TREML2: variants seen among roughly 807,000 people sequenced by gnomAD.
The protein encoded by TREML2 is triggering receptor expressed on myeloid cells like 2, also known as trem-like transcript 2 protein.
Under a neutral mutation model 25.9 loss-of-function variants are expected in TREML2, and 24 were observed. The observed-to-expected ratio is 0.93, with a 90% CI of 0.67 to 1.30. The LOEUF (loss-of-function observed/expected upper bound fraction) is 1.30. Ranked by LOEUF, TREML2 falls within the 50% of genes most tolerant of loss-of-function variation. The pLI is 0.00. For synonymous variants in TREML2, 139 were observed against 155.2 expected (o/e 0.90, Z 0.77); for missense variants, 359 against 395.6 (o/e 0.91, Z 0.78).
chr6:41,199,072 C>T (rs1766230680), intron 1 of TREML2, among the ~76,000 whole-genome samples: 1 of 152,160 alleles, frequency 6.6e-6, no homozygotes, highest in Non-Finnish European at 1.5e-5. Flanking sequence ...CCATGTTAGC[C>T]AGGATGGTCT....
At chr6:41,197,131 C>G (rs1766181336) in intron 2 of TREML2, among the ~76,000 whole-genome samples, 1 of 152,192 alleles carries the variant, frequency 6.6e-6, no homozygotes. Context: ...TGAGCCCATT[C>G]ACATCTCTCT....
In TREML2 at chr6:41,198,338, G is replaced by A. The variant is rs575501572; in HGVS notation, c.147C>T (p.Arg49=). The A allele has an allele frequency of 1.4e-5, 22 of 1,614,138 alleles. No individual in the cohort carries two copies. The highest frequency in any genetic ancestry group is 1.1e-4 in the East Asian group (5 of 44,888). Reference sequence around the variant, plus strand: ...TTTTGCACCAAACCTTGCCCTCCACGCGGTTTTTGTAGCCCTTATAGGAGC... The same window carrying A: ...TTTTGCACCAAACCTTGCCCTCCACACGGTTTTTGTAGCCCTTATAGGAGC... ...VQCSYKGYKN[R]VEGKVWCKIR... The change falls in exon 2 of 5, where the codon CGC becomes CGT. Residue 49 remains arginine (R), a synonymous_variant. Coordinates refer to ENST00000483722, the MANE Select transcript of TREML2 (RefSeq NM_024807.4).
At chr6:41,197,293 C>G (rs535754775) in intron 2 of TREML2, among the ~76,000 whole-genome samples, 1 of 152,286 alleles carries the variant, frequency 6.6e-6, no homozygotes, top group East Asian at 1.9e-4. Flanking sequence ...TCTCTGAGCT[C>G]TCTAGTAGCT....
Position 41,198,416 on chromosome 6 carries a change from G to C in TREML2, c.69C>G (p.Asp23Glu), listed in dbSNP as rs77704965. The C allele has an allele frequency of 0.12, 190,576 of 1,595,472 alleles. 13,039 individuals carry two copies. The highest frequency in any genetic ancestry group is 0.16 in the South Asian group (14,445 of 90,596). Residue 23 changes from aspartate to glutamate, a missense_variant, in exon 2 of 5, where the codon GAC becomes GAG. Coordinates refer to ENST00000483722, the MANE Select transcript of TREML2 (RefSeq NM_024807.4). ...GGAGCCTCACTTTTGTGTATACACT[G>C]TCAGCAGAGGGGCCTGTGGAGACAA... ...PQGCVSGPSADSVYTKVRLLE... is the reference protein window; with the variant it reads ...PQGCVSGPSAESVYTKVRLLE...
chr6:41,191,213 G>GTA lies in TREML2; in HGVS notation c.*1213_*1214insTA, dbSNP rs1766054974. ...TGTGTGTGTGTGTGTGTGTGTGTGT[G>GTA]TGTGTGTGTAGGGGAATCCAGGCTG... On this transcript the variant is annotated 3_prime_UTR_variant, in exon 5 of 5. Transcript: ENST00000483722. 1 of 158,812 alleles carries GTA rather than the reference G, an allele frequency of 6.3e-6. No individual in the cohort carries two copies. Among genetic ancestry groups the GTA allele is most frequent in the Non-Finnish European group, 1.4e-5 (1 of 74,002 alleles). The allele number at this position is 158,812 out of a possible 1,614,324, so 9.8% of individuals were successfully genotyped here. A position where few individuals can be genotyped will look rare whatever the true frequency, so the allele number is the denominator to read the frequency against.
At position 41,198,581 on chromosome 6, in the gene TREML2, G is replaced by C; in HGVS notation, c.56-152C>G. On this transcript the variant is annotated intron_variant, in intron 1 of 4. Coordinates refer to ENST00000483722, the MANE Select transcript of TREML2 (RefSeq NM_024807.4). ...GGGGAAATACAGCCCCGCCTTCAGG[G>C]AGCTTGCCCCAATCTGAAGGGAGGT... The C allele has an allele frequency of 5.9e-6, 5 of 854,032 alleles. No individual in the cohort carries two copies. In the South Asian group the frequency reaches 9.0e-5, roughly 15 times the overall value. 52.9% of individuals were successfully genotyped at this position (854,032 alleles called of 1,614,324 possible). A position where few individuals can be genotyped will look rare whatever the true frequency, so the allele number is the denominator to read the frequency against.
chr6:41,198,409 A>T lies in TREML2; in HGVS notation c.76T>A (p.Tyr26Asn), dbSNP rs144159694. 2.8e-5 allele frequency: 45 copies of T among 1,612,414 alleles called. No homozygotes were observed. In the Admixed American group the frequency reaches 4.8e-4, roughly 17 times the overall value. ...CCTTCAAGGAGCCTCACTTTTGTGT[A>T]TACACTGTCAGCAGAGGGGCCTGTG... The part of the protein sequence containing the change: ...CVSGPSADSV[Y>N]TKVRLLEGET... Residue 26 changes from tyrosine to asparagine, a missense_variant, in exon 2 of 5, where the codon TAC becomes AAC. Transcript: ENST00000483722.
Position 41,192,425 on chromosome 6 carries a change from C to G in TREML2, c.*2G>C. 1 of 1,613,592 alleles carries G rather than the reference C, an allele frequency of 6.2e-7. No homozygotes were observed. The highest frequency in any genetic ancestry group is 8.5e-7 in the Non-Finnish European group (1 of 1,179,692). On this transcript the variant is annotated 3_prime_UTR_variant, in exon 5 of 5. Transcript: ENST00000483722. ...AGCTCCCCACCCCATGCTTAAGTGG[C>G]CTCAGATCAAGTAGACTTCCACATA... is the stretch of plus-strand genomic sequence containing the variant.
In TREML2 at chr6:41,192,457, T is replaced by C. The variant is rs1766081932; in HGVS notation, c.936A>G (p.Pro312=). ...TCAAGTAGACTTCCACATAGGGCTC[T>C]GGTCTTCCAGGTGGGTCACGTGTAG... The part of the protein sequence containing the change: ...DPSTRDPPGR[P]EPYVEVYLI The change falls in exon 5 of 5, where the codon CCA becomes CCG. Residue 312 remains proline, a synonymous_variant. Coordinates refer to ENST00000483722, the MANE Select transcript of TREML2 (RefSeq NM_024807.4). 1.2e-6 allele frequency: 2 copies of C among 1,613,928 alleles called. No individual in the cohort carries two copies.
At position 41,198,139 on chromosome 6, in the gene TREML2, A is replaced by G. The variant is rs140974034; in HGVS notation, c.346T>C (p.Leu116=). Residue 116 remains leucine (L), a synonymous_variant, in exon 2 of 5, where the codon TTG becomes CTG. Transcript: ENST00000483722. ...MRNTSGILYP[L]MGFQLDVSPA... is the part of the protein sequence containing the mutation. ...GACACATCCAGCTGGAAGCCCATCAAGGGGTACAGGATCCCAGAGGTGTTG... is the reference window on the plus strand; with the variant it reads ...GACACATCCAGCTGGAAGCCCATCAGGGGGTACAGGATCCCAGAGGTGTTG... 1,491 of 1,604,336 alleles carry G rather than the reference A, an allele frequency of 9.3e-4. No homozygotes were observed. Among genetic ancestry groups the G allele is most frequent in the Middle Eastern group, 1.7e-3 (10 of 5,802 alleles).
rs1042768968 is a variant in TREML2 at position 41,201,018 on chromosome 6, C to T, written c.-10G>A. ...GGAAGGCTGGGGCCATGGTTCCATC[C>T]AGCTGGGCAGTGTCAGGCCTGGAGA... On this transcript the variant is annotated 5_prime_UTR_variant, in exon 1 of 5. Transcript: ENST00000483722. The T allele has an allele frequency of 8.1e-6, 13 of 1,610,446 alleles. No homozygotes were observed. The African/African-American group carries it at 1.1e-4, about 13-fold the overall frequency.
At position 41,200,914 on chromosome 6, in the gene TREML2, C is replaced by T. The variant is rs952712288; in HGVS notation, c.55+40G>A. ...AAGGCCCTGAGCTCCTGCCTCTGTA[C>T]CCACTCCCTCCTCCACAAGTCAGCC... is the stretch of plus-strand genomic sequence containing the variant. On this transcript the variant is annotated intron_variant, in intron 1 of 4. Coordinates refer to ENST00000483722, the MANE Select transcript of TREML2 (RefSeq NM_024807.4). 3 of 1,494,810 alleles carry T rather than the reference C, an allele frequency of 2.0e-6. No individual in the cohort carries two copies. In the African/African-American group the frequency reaches 4.2e-5, roughly 21 times the overall value. 92.6% of individuals were successfully genotyped at this position (1,494,810 alleles called of 1,614,324 possible).
intron 3 of TREML2, among the ~76,000 whole-genome samples, chr6:41,193,638 C>T (rs1242447830): frequency 2.6e-5 from 4 of 151,798 alleles, no homozygotes. Flanking sequence ...GTCAGTTTCT[C>T]TAGAGGAATC....
chr6:41,198,299 C>G lies in TREML2; in HGVS notation c.186G>C (p.Lys62Asn), dbSNP rs1766209945. The change falls in exon 2 of 5, where the codon AAG (lysine) becomes AAC (asparagine). Residue 62 changes from lysine to asparagine, a missense_variant. By Grantham distance (94) the Lys-to-Asn change is moderately conservative. Coordinates refer to ENST00000483722, the MANE Select transcript of TREML2 (RefSeq NM_024807.4). ...AGACTCGGGCAAAGCCAGGCTCACA[C>G]TTCTTCTTCCTGATTTTGCACCAAA... ...GKVWCKIRKK[K>N]CEPGFARVWV... 1.9e-6 allele frequency: 3 copies of G among 1,612,686 alleles called. No individual in the cohort carries two copies. The highest frequency in any genetic ancestry group is 2.2e-5 in the East Asian group (1 of 44,880).
intron 4 of TREML2, 134 bp downstream of exon 4, chr6:41,192,667 C>A (rs1231300444): frequency 3.5e-6 from 4 of 1,130,700 alleles, no homozygotes; most frequent in Non-Finnish European, 5.2e-6. Flanking sequence ...CCCTCCTCCC[C>A]AGGTGGAAGC....
intron 2 of TREML2, among the ~76,000 whole-genome samples, chr6:41,197,431 C>T (rs1766187512): frequency 6.6e-6 from 1 of 152,268 alleles, no homozygotes; most frequent in South Asian, 2.1e-4. Flanking sequence ...TCCTTCTGAC[C>T]TCAGGACCTT....
chr6:41,194,291 C>CCT, intron 3 of TREML2, 134 bp downstream of exon 3: 1 of 881,622 alleles, frequency 1.1e-6, no homozygotes, highest in Non-Finnish European at 1.7e-6. Flanking sequence ...TTCCAGTCCC[C>CCT]CACCTCACAT....
Position 41,192,011 on chromosome 6 carries a change from C to A in TREML2, c.*416G>T, listed in dbSNP as rs1291866261. 1 of 182,846 alleles carries A rather than the reference C, an allele frequency of 5.5e-6. No homozygotes were observed. The allele number at this position is 182,846 out of a possible 1,614,324, so 11.3% of individuals were successfully genotyped here. ...AACCTTAGGGGAAGCTGAAGCAGAA[C>A]GGAGGGAAGCAGAGGACACAGTGGC... On this transcript the variant is annotated 3_prime_UTR_variant, in exon 5 of 5. Transcript: ENST00000483722.
At chr6:41,199,719 T>C (rs1266167806) in intron 1 of TREML2, among the ~76,000 whole-genome samples, 2 of 152,058 alleles carry the variant, frequency 1.3e-5, no homozygotes, top group Non-Finnish European at 2.9e-5. Context: ...AAAAACCACA[T>C]ATAAAAAGAC....
Sources: allele counts gnomAD v4.1 joint callset (sites outside exome capture counted in the v4.1 genomes callset), GRCh38; gene constraint gnomAD v4.1.1; transcripts MANE v1.5; gene names NCBI Gene and HGNC (gene_info 2026-07-23, HGNC 2026-07-21).